The following GRIN2A variants were observed in gnomAD, a reference collection of about 807,000 sequenced individuals.
GRIN2A encodes glutamate receptor ionotropic, NMDA 2A.
Under a neutral mutation model 113.4 loss-of-function variants are expected in GRIN2A, and 22 were observed. The ratio of observed to expected loss-of-function variants is 0.19; its 90% CI spans 0.14 to 0.28. The LOEUF is 0.28. Ranked by LOEUF, GRIN2A falls within the 10% of genes least tolerant of loss-of-function variation. The pLI, the probability that GRIN2A is intolerant of heterozygous loss-of-function variation, is 1.00. For missense variants in GRIN2A, 1,502 were observed against 1,887.0 expected (o/e 0.80, Z 3.78); for synonymous variants, 827 against 738.4 (o/e 1.12, Z -1.94).
At chr16:10,026,872 C>T (rs556500101) in intron 2 of GRIN2A, among the ~76,000 whole-genome samples, 1 of 152,278 alleles carries the variant, frequency 6.6e-6, no homozygotes, top group African/African-American at 2.4e-5. Context: ...CACTTCCAGT[C>T]CCCTCTCTTT....
At chr16:9,814,541 A>T (rs1279112988) in intron 10 of GRIN2A, among the ~76,000 whole-genome samples, 1 of 152,138 alleles carries the variant, frequency 6.6e-6, no homozygotes, top group Non-Finnish European at 1.5e-5. Flanking sequence ...CTTCCAACTT[A>T]ATATGCCTAA....
At chr16:10,161,945 A>G (rs577507460) in intron 2 of GRIN2A, among the ~76,000 whole-genome samples, 1 of 152,264 alleles carries the variant, frequency 6.6e-6, no homozygotes, top group African/African-American at 2.4e-5. Context: ...ACCTAGGCTA[A>G]TCCAGAACAG....
At chr16:10,073,495 G>C (rs1039510598) in intron 2 of GRIN2A, among the ~76,000 whole-genome samples, 1 of 152,080 alleles carries the variant, frequency 6.6e-6, no homozygotes, top group African/African-American at 2.4e-5. Context: ...CTCTCAGCCT[G>C]ACAAAGCAAA....
At chr16:10,082,439 GT>G (rs2048003409) in intron 2 of GRIN2A, among the ~76,000 whole-genome samples, 1 of 152,206 alleles carries the variant, frequency 6.6e-6, no homozygotes, top group South Asian at 2.1e-4. Flanking sequence ...AGGTGAACCT[GT>G]GAATATGATA....
chr16:10,039,808 G>GAGAGAGAGAGAGAGAGAGAGAGAGAGA lies in GRIN2A; in HGVS notation c.415-101258_415-101257insTCTCTCTCTCTCTCTCTCTCTCTCTCT, dbSNP rs373952509. On this transcript the variant is annotated intron_variant, in intron 2 of 12. Coordinates refer to ENST00000330684, the MANE Select transcript of GRIN2A (RefSeq NM_001134407.3). Reference sequence around the variant, plus strand: ...AGGGGGAGGGGGAGGGGGAGGGGGGGGAGAAAGAGAGAGAGAGAGAGAGAG... The same window carrying GAGAGAGAGAGAGAGAGAGAGAGAGAGA: ...AGGGGGAGGGGGAGGGGGAGGGGGGGAGAGAGAGAGAGAGAGAGAGAGAGAGAGAGAAAGAGAGAGAGAGAGAGAGAG... 2.2e-3 allele frequency among the ~76,000 whole-genome samples: 143 copies of GAGAGAGAGAGAGAGAGAGAGAGAGAGA among 63,808 alleles called. 8 individuals are homozygous for GAGAGAGAGAGAGAGAGAGAGAGAGAGA. Among genetic ancestry groups the GAGAGAGAGAGAGAGAGAGAGAGAGAGA allele is most frequent in the South Asian group, 0.013 (15 of 1,174 alleles). 41.9% of individuals were successfully genotyped at this position (63,808 alleles called of 152,430 possible). A position where few individuals can be genotyped will look rare whatever the true frequency, so the allele number is the denominator to read the frequency against.
chr16:9,865,133 C>T (rs1468193687), intron 4 of GRIN2A, among the ~76,000 whole-genome samples: 2 of 152,102 alleles, frequency 1.3e-5, no homozygotes, highest in African/African-American at 4.8e-5. Flanking sequence ...AATACTAAAG[C>T]CAACAGAAGA....
chr16:10,157,549 C>A lies in GRIN2A; in HGVS notation c.414+22449G>T, dbSNP rs949986325. 3.3e-5 allele frequency among the ~76,000 whole-genome samples: 5 copies of A among 152,162 alleles called. No individual in the cohort carries two copies. In the East Asian group the frequency reaches 7.7e-4, roughly 23 times the overall value. The stretch of plus-strand genomic sequence containing the variant: ...GGCTGGGGAGGCCTCAGAAAACTTA[C>A]AATCATGGCAGAAGATGAAGGGGAA... On this transcript the variant is annotated intron_variant, in intron 2 of 12. Transcript: ENST00000330684.
intron 2 of GRIN2A, among the ~76,000 whole-genome samples, chr16:10,157,709 C>T (rs568175251): frequency 3.3e-5 from 5 of 152,288 alleles, no homozygotes; most frequent in South Asian, 2.1e-4. Context: ...ACAGCCCCCA[C>T]GATCAATCAC....
At chr16:9,917,168 C>A (rs1414782057) in intron 3 of GRIN2A, among the ~76,000 whole-genome samples, 2 of 152,228 alleles carry the variant, frequency 1.3e-5, no homozygotes, top group South Asian at 2.1e-4. Context: ...ATCACTTCTG[C>A]AAAGAGGCAA....
At chr16:10,014,342 C>A (rs2046563948) in intron 2 of GRIN2A, among the ~76,000 whole-genome samples, 1 of 152,214 alleles carries the variant, frequency 6.6e-6, no homozygotes, top group African/African-American at 2.4e-5. Context: ...CTTTACCCTG[C>A]ATTCTAGTTT....
chr16:9,962,222 A>G (rs931907550), intron 2 of GRIN2A, among the ~76,000 whole-genome samples: 3 of 152,202 alleles, frequency 2.0e-5, no homozygotes, highest in African/African-American at 7.2e-5. Flanking sequence ...CATATCTAAA[A>G]CACCAAAAGC....
chr16:9,825,302 C>A lies in GRIN2A; in HGVS notation c.2008-2878G>T, dbSNP rs183991093. 1.6e-4 allele frequency among the ~76,000 whole-genome samples: 24 copies of A among 152,238 alleles called. 1 individual carries two copies. Among genetic ancestry groups the A allele is most frequent in the Non-Finnish European group, 3.1e-4 (21 of 68,052 alleles). On this transcript the variant is annotated intron_variant, in intron 9 of 12. Coordinates refer to ENST00000330684, the MANE Select transcript of GRIN2A (RefSeq NM_001134407.3). ...ACAAATCTTATAGTGTTTGAAAGAA[C>A]ACCTGGCATCCTCTAATGCTTGGGA...
intron 4 of GRIN2A, among the ~76,000 whole-genome samples, chr16:9,873,539 TAAA>T (rs58772413): frequency 0.021 from 2,707 of 126,738 alleles, 90 homozygotes; most frequent in African/African-American, 0.092. Flanking sequence ...CCCCCATCTC[TAAA>T]AAACAACAAC....
intron 2 of GRIN2A, among the ~76,000 whole-genome samples, chr16:10,131,147 A>T (rs2142217911): frequency 6.6e-6 from 1 of 152,340 alleles, no homozygotes; most frequent in South Asian, 2.1e-4. Flanking sequence ...GCATGGAGTG[A>T]GGCTTCTGAA....
At chr16:10,036,448 T>TC (rs2047029024) in intron 2 of GRIN2A, among the ~76,000 whole-genome samples, 1 of 64,698 alleles carries the variant, frequency 1.5e-5, no homozygotes, top group African/African-American at 7.7e-5. Flanking sequence ...TTTTTTTTTT[T>TC]CTTTTTTTTT....
rs575797335 is a variant in GRIN2A, at chr16:10,043,184, A to G, written c.415-104633T>C. ...TTTCTAATCTCTCTAGTATCCTACAATTTAGATATTATCACCCCTACTTTA... is the reference window on the plus strand; with the variant it reads ...TTTCTAATCTCTCTAGTATCCTACAGTTTAGATATTATCACCCCTACTTTA... On this transcript the variant is annotated intron_variant, in intron 2 of 12. Coordinates refer to ENST00000330684, the MANE Select transcript of GRIN2A (RefSeq NM_001134407.3). Among the ~76,000 whole-genome samples, 8 of 152,294 alleles carry G rather than the reference A, an allele frequency of 5.3e-5. No homozygotes were observed. In the East Asian group the frequency reaches 1.5e-3, roughly 29 times the overall value.
chr16:9,835,495 T>C (rs1443218011), intron 7 of GRIN2A, among the ~76,000 whole-genome samples: 2 of 152,192 alleles, frequency 1.3e-5, no homozygotes, highest in Non-Finnish European at 2.9e-5. Flanking sequence ...ATTTATGGTA[T>C]AGATTTGCTA....
At chr16:10,117,415 G>T (rs551440678) in intron 2 of GRIN2A, among the ~76,000 whole-genome samples, 1 of 152,336 alleles carries the variant, frequency 6.6e-6, no homozygotes, top group East Asian at 1.9e-4. Flanking sequence ...TTGTCCATGA[G>T]TTGATAAATG....
At chr16:9,794,193 C>T (rs995355951) in intron 11 of GRIN2A, among the ~76,000 whole-genome samples, 1 of 152,298 alleles carries the variant, frequency 6.6e-6, no homozygotes, top group African/African-American at 2.4e-5. Context: ...TGCTTCCAGG[C>T]AGATGAACAG....
Sources: gnomAD v4.1 joint callset for allele counts (sites outside exome capture counted in the v4.1 genomes callset) on GRCh38, gnomAD v4.1.1 for gene constraint, MANE v1.5 for transcripts, NCBI Gene and HGNC (gene_info 2026-07-23, HGNC 2026-07-21) for gene names.